The following ENTREP2 variants were observed in gnomAD, a reference collection of about 807,000 sequenced individuals.
ENTREP2 encodes the protein protein ENTREP2.
chr15:29,375,651 G>A, the ENTREP2 span: 2 of 152,284 alleles, frequency 1.3e-5, no homozygotes, highest in African/African-American at 4.8e-5. Context: ...CAGCATCCCT[G>A]AACTCTTCCT....
the ENTREP2 span, among the ~76,000 whole-genome samples, chr15:29,534,226 C>T: frequency 6.7e-6 from 1 of 148,742 alleles, no homozygotes; most frequent in South Asian, 2.2e-4. Context: ...CCAGCTTTTA[C>T]AACCCTAACT....
the ENTREP2 span, among the ~76,000 whole-genome samples, chr15:29,397,836 A>G: frequency 6.6e-6 from 1 of 152,228 alleles, no homozygotes; most frequent in Non-Finnish European, 1.5e-5. Flanking sequence ...AATTGTCTTT[A>G]TAAAGGTCAG....
the ENTREP2 span, chr15:29,613,818 C>A: frequency 6.1e-6 from 1 of 162,870 alleles, no homozygotes; most frequent in South Asian, 1.7e-4. Context: ...TCCAGTTCTT[C>A]ATGGCTACCT....
the ENTREP2 span, among the ~76,000 whole-genome samples, chr15:29,629,794 C>T: frequency 6.0e-3 from 909 of 152,228 alleles, 9 homozygotes; most frequent in African/African-American, 0.021. Context: ...TCTGCTATCA[C>T]TTGCATTTTG....
chr15:29,450,420 C>T, the ENTREP2 span, among the ~76,000 whole-genome samples: 2 of 152,102 alleles, frequency 1.3e-5, no homozygotes, highest in African/African-American at 2.4e-5. Flanking sequence ...GTGAAGGGAA[C>T]GGGCCCAGTT....
chr15:29,574,004 AAG>A, the ENTREP2 span, among the ~76,000 whole-genome samples: 4 of 152,160 alleles, frequency 2.6e-5, no homozygotes, highest in Admixed American at 2.6e-4. Context: ...ATCATAAAGA[AAG>A]AAAGGAAAGA....
the ENTREP2 span, among the ~76,000 whole-genome samples, chr15:29,253,131 C>T: frequency 6.6e-6 from 1 of 152,202 alleles, no homozygotes; most frequent in Non-Finnish European, 1.5e-5. Flanking sequence ...TCATCAGATA[C>T]TGAGTTCACA....
At chr15:29,642,467 T>C in the ENTREP2 span, among the ~76,000 whole-genome samples, 1 of 147,930 alleles carries the variant, frequency 6.8e-6, no homozygotes, top group South Asian at 2.1e-4. Context: ...CACACATATA[T>C]ATACTGTATA....
the ENTREP2 span, among the ~76,000 whole-genome samples, chr15:29,497,899 T>C: frequency 6.6e-6 from 1 of 152,208 alleles, no homozygotes; most frequent in African/African-American, 2.4e-5. Flanking sequence ...TTTCTTCATG[T>C]AGGCATTTTT....
the ENTREP2 span, among the ~76,000 whole-genome samples, chr15:29,154,204 A>G: frequency 5.3e-5 from 8 of 152,204 alleles, no homozygotes; most frequent in Admixed American, 1.3e-4. Context: ...TGTGTAGACA[A>G]TCAGGCCATC....
At chr15:29,634,682 T>C in the ENTREP2 span, among the ~76,000 whole-genome samples, 1 of 152,218 alleles carries the variant, frequency 6.6e-6, no homozygotes, top group Non-Finnish European at 1.5e-5. Flanking sequence ...CCAGCCCCGC[T>C]AGATACCAGC....
the ENTREP2 span, among the ~76,000 whole-genome samples, chr15:29,321,461 A>T: frequency 6.6e-6 from 1 of 152,016 alleles, no homozygotes; most frequent in South Asian, 2.1e-4. Flanking sequence ...CAGCCTGGCC[A>T]AGATGGTGGA....
the ENTREP2 span, among the ~76,000 whole-genome samples, chr15:29,566,805 G>A: frequency 6.7e-6 from 1 of 150,258 alleles, no homozygotes; most frequent in African/African-American, 2.5e-5. Flanking sequence ...TAATTTCAGA[G>A]TATGAAAAAA....
the ENTREP2 span, among the ~76,000 whole-genome samples, chr15:29,565,682 G>A: frequency 4.2e-3 from 636 of 152,160 alleles, 4 homozygotes; most frequent in African/African-American, 0.015. Context: ...AACATTTTCC[G>A]GCCGGGTGCG....
chr15:29,300,343 A>G, the ENTREP2 span, among the ~76,000 whole-genome samples: 4 of 46,420 alleles, frequency 8.6e-5, no homozygotes, highest in South Asian at 7.8e-4. Flanking sequence ...TGATGGATGG[A>G]TGGGTGGGAG....
chr15:29,646,985 T>C, the ENTREP2 span, among the ~76,000 whole-genome samples: 1 of 152,130 alleles, frequency 6.6e-6, no homozygotes, highest in Non-Finnish European at 1.5e-5. Flanking sequence ...AACATTGATT[T>C]CTCCTCCGTG....
chr15:29,175,462 T>C, the ENTREP2 span, among the ~76,000 whole-genome samples: 1 of 152,206 alleles, frequency 6.6e-6, no homozygotes, highest in Non-Finnish European at 1.5e-5. Flanking sequence ...GCCTCATGCA[T>C]GAATGCTTAA....
the ENTREP2 span, among the ~76,000 whole-genome samples, chr15:29,419,218 C>T: frequency 1.3e-5 from 2 of 151,824 alleles, no homozygotes; most frequent in African/African-American, 2.4e-5. Flanking sequence ...ATAGTTATTA[C>T]GCCCAAGAAA....
the ENTREP2 span, among the ~76,000 whole-genome samples, chr15:29,257,461 G>T: frequency 6.6e-6 from 1 of 152,148 alleles, no homozygotes; most frequent in African/African-American, 2.4e-5. Context: ...GTGTTGCAAC[G>T]AACTGCCTTG....
Sources: allele counts gnomAD v4.1 joint callset (sites outside exome capture counted in the v4.1 genomes callset), GRCh38; gene constraint gnomAD v4.1.1; transcripts MANE v1.5; gene names NCBI Gene and HGNC (gene_info 2026-07-23, HGNC 2026-07-21).